ZFP28: variants seen among roughly 807,000 people sequenced by gnomAD.
The protein encoded by ZFP28 is ZFP28 zinc finger protein.
In ZFP28, 31 loss-of-function variants were observed where a neutral mutation model predicts 39.5. That is an observed-to-expected ratio of 0.79 (90% confidence interval 0.59 to 1.06). The LOEUF is 1.06. Ranked by LOEUF, ZFP28 falls within the 50% of genes least tolerant of loss-of-function variation. ZFP28 has a pLI of 0.00. For synonymous variants in ZFP28, 400 were observed against 378.6 expected (o/e 1.06, Z -0.66); for missense variants, 925 against 1,048.4 (o/e 0.88, Z 1.63).
chr19:56,555,449 C>T lies in ZFP28; in HGVS notation c.*57C>T, dbSNP rs2044343007. ...AGCAGTTTAAAACCCCATCTCCCTG[C>T]CCTTTTGTTTTCTTTTTGTCCCTTA... On this transcript the variant is annotated 3_prime_UTR_variant, in exon 8 of 8. Coordinates refer to ENST00000301318, the MANE Select transcript of ZFP28 (RefSeq NM_020828.2). The T allele has an allele frequency of 3.3e-6, 5 of 1,514,874 alleles. No individual in the cohort carries two copies. In the South Asian group the frequency reaches 6.6e-5, roughly 20 times the overall value. The allele number at this position is 1,514,874 out of a possible 1,614,324, so 93.8% of individuals were successfully genotyped here.
chr19:56,550,955 A>T, intron 7 of ZFP28: 1 of 1,386,514 alleles, frequency 7.2e-7, no homozygotes, highest in African/African-American at 1.4e-5. Context: ...TCATGCATCC[A>T]TTCCTGTGAG....
At chr19:56,538,909 C>T (rs2044163868), upstream of ZFP28, 8 of 1,000,394 alleles carry the variant, frequency 8.0e-6, no homozygotes, top group East Asian at 2.5e-4. Context: ...GGATGCCGGG[C>T]CATGGGGGAG....
upstream of ZFP28, among the ~76,000 whole-genome samples, chr19:56,536,977 C>A (rs572514415): frequency 2.0e-5 from 3 of 152,250 alleles, no homozygotes; most frequent in South Asian, 2.1e-4. Flanking sequence ...GAACACAGGC[C>A]CTGAGCCTTT....
Position 56,550,612 on chromosome 19 carries a change from G to T in ZFP28, c.898+7G>T. On this transcript the variant is annotated splice_region_variant and intron_variant, in intron 7 of 7. Transcript: ENST00000301318. The stretch of plus-strand genomic sequence containing the variant: ...ACAGGAAGCCTGTTCTCAGGTGAGT[G>T]CAGGAGAGCCTGGTGTGGAAAATCT... 6.2e-7 allele frequency: 1 copy of T among 1,613,822 alleles called. No homozygotes were observed. The highest frequency in any genetic ancestry group is 8.5e-7 in the Non-Finnish European group (1 of 1,179,770).
chr19:56,547,302 G>A lies in ZFP28; in HGVS notation c.301-206G>A, dbSNP rs535336993. ...TTAATAAGGACACCAGACAGATTGG[G>A]TTAGGGCCCCACCCATATGACCTCA... On this transcript the variant is annotated intron_variant, in intron 2 of 7. Transcript: ENST00000301318. The surrounding 1 kb of genome is among the most constrained non-coding windows in gnomAD (Gnocchi z 4.6). The A allele has an allele frequency of 4.6e-6, 3 of 654,680 alleles. No homozygotes were observed. Among genetic ancestry groups the A allele is most frequent in the Admixed American group, 6.0e-5 (2 of 33,574 alleles). 40.6% of individuals were successfully genotyped at this position (654,680 alleles called of 1,614,324 possible).
chr19:56,555,259 C>A lies in ZFP28; in HGVS notation c.2474C>A (p.Thr825Asn), dbSNP rs2044340634. The A allele has an allele frequency of 1.2e-6, 2 of 1,614,066 alleles. No homozygotes were observed. Among genetic ancestry groups the A allele is most frequent in the Non-Finnish European group, 1.7e-6 (2 of 1,180,044 alleles). Residue 825 changes from threonine to asparagine, a missense_variant, in exon 8 of 8, where the codon ACT (threonine) becomes AAT (asparagine). Thr to Asn is a moderately conservative substitution (Grantham distance 65, BLOSUM62 0). This residue lies in a region of ZFP28 where 369 missense variants were observed against 505.5 expected (regional missense o/e 0.73). Transcript: ENST00000301318. Reference protein sequence around the residue: ...YKKSRKVFRQTAHLAHHQRIH... With the variant: ...YKKSRKVFRQNAHLAHHQRIH... Reference sequence around the variant, plus strand: ...AAAAGCAGAAAAGTCTTCAGGCAAACTGCTCACTTAGCTCATCATCAGCGA... The same window carrying A: ...AAAAGCAGAAAAGTCTTCAGGCAAAATGCTCACTTAGCTCATCATCAGCGA...
chr19:56,538,699 G>T (rs1409430890), upstream of ZFP28: 1 of 150,660 alleles, frequency 6.6e-6, no homozygotes, highest in African/African-American at 2.4e-5. Flanking sequence ...ATTGCGCCGA[G>T]GCCACGCCCG....
rs959672474 is a variant in ZFP28 at position 56,551,737 on chromosome 19, T to C, written c.898+1132T>C. 1.3e-5 allele frequency: 13 copies of C among 984,142 alleles called. No individual in the cohort carries two copies. In the African/African-American group the frequency reaches 1.9e-4, roughly 15 times the overall value. 61.0% of individuals were successfully genotyped at this position (984,142 alleles called of 1,614,324 possible). On this transcript the variant is annotated intron_variant, in intron 7 of 7. Coordinates refer to ENST00000301318, the MANE Select transcript of ZFP28 (RefSeq NM_020828.2). ...AAGATTATACACTAAAATTATTCTT[T>C]TTTTATGAAAGAAGTTGAACATTTT...
Position 56,554,103 on chromosome 19 carries a change from A to T in ZFP28, c.1318A>T (p.Arg440Ter). The T allele has an allele frequency of 6.2e-7, 1 of 1,614,248 alleles. No individual in the cohort carries two copies. The highest frequency in any genetic ancestry group is 8.5e-7 in the Non-Finnish European group (1 of 1,180,036). ...GAGCTCATCTCTTACTGTTCATCAG[A>T]GAATTCACACTGGAGAGAAACCTTA... ...TQSSSLTVHQ[R>*]IHTGEKPYKC... Residue 440 changes from arginine to a stop codon, truncating the protein, a stop_gained, in exon 8 of 8, where the codon AGA becomes TGA. Coordinates refer to ENST00000301318, the MANE Select transcript of ZFP28 (RefSeq NM_020828.2). LOFTEE classifies it low-confidence loss of function (END_TRUNC). The surrounding 1 kb of genome is among the most constrained non-coding windows in gnomAD (Gnocchi z 6.7).
chr19:56,541,825 G>A (rs2044197582), intron 2 of ZFP28, among the ~76,000 whole-genome samples: 1 of 147,458 alleles, frequency 6.8e-6, no homozygotes. Flanking sequence ...CGCCTCCTGA[G>A]TTGAAATGAT....
chr19:56,549,893 A>C (rs779080990), intron 5 of ZFP28, among the ~76,000 whole-genome samples, 174 bp from the exon 6 acceptor site: 1 of 152,150 alleles, frequency 6.6e-6, no homozygotes, highest in Non-Finnish European at 1.5e-5. Flanking sequence ...GTTTTTCCCC[A>C]AACATGTATG....
At chr19:56,552,169 T>C (rs1210030863) in intron 7 of ZFP28, 1 of 248,640 alleles carries the variant, frequency 4.0e-6, no homozygotes, top group Admixed American at 6.5e-5. Flanking sequence ...AGTTTTCACC[T>C]ATAATCAACA....
chr19:56,547,394 T>G lies in ZFP28; in HGVS notation c.301-114T>G. On this transcript the variant is annotated intron_variant, in intron 2 of 7. Coordinates refer to ENST00000301318, the MANE Select transcript of ZFP28 (RefSeq NM_020828.2). This position sits in a 1 kb window ranked among gnomAD's most constrained non-coding sequence, Gnocchi z 4.6. ...CAGTCACATTCAAAAGTACTGGGGA[T>G]TAGGAGTTTAATGTAGGAGTTTTGT... 4 of 1,446,902 alleles carry G rather than the reference T, an allele frequency of 2.8e-6. No homozygotes were observed. Among genetic ancestry groups the G allele is most frequent in the African/African-American group, 1.4e-5 (1 of 71,682 alleles). The allele number at this position is 1,446,902 out of a possible 1,614,324, so 89.6% of individuals were successfully genotyped here.
At position 56,550,621 on chromosome 19, in the gene ZFP28, C is replaced by T; in HGVS notation, c.898+16C>T. The T allele has an allele frequency of 6.2e-7, 1 of 1,613,326 alleles. No individual in the cohort carries two copies. The highest frequency in any genetic ancestry group is 8.5e-7 in the Non-Finnish European group (1 of 1,179,374). ...CTGTTCTCAGGTGAGTGCAGGAGAG[C>T]CTGGTGTGGAAAATCTACTGCAAGA... is the stretch of plus-strand genomic sequence containing the variant. On this transcript the variant is annotated intron_variant, in intron 7 of 7. Coordinates refer to ENST00000301318, the MANE Select transcript of ZFP28 (RefSeq NM_020828.2).
intron 2 of ZFP28, among the ~76,000 whole-genome samples, chr19:56,544,124 T>G (rs1049530387): frequency 6.6e-6 from 1 of 152,256 alleles, no homozygotes; most frequent in Non-Finnish European, 1.5e-5. Flanking sequence ...AAGGACTTAC[T>G]AGTGTTAGCT....
In ZFP28 at chr19:56,547,314, C is replaced by A; in HGVS notation, c.301-194C>A. ...CCAGACAGATTGGGTTAGGGCCCCA[C>A]CCATATGACCTCATTTAACCCTAAT... is the stretch of plus-strand genomic sequence containing the variant. On this transcript the variant is annotated intron_variant, in intron 2 of 7. Transcript: ENST00000301318. This position sits in a 1 kb window ranked among gnomAD's most constrained non-coding sequence, Gnocchi z 4.6. The A allele has an allele frequency of 1.4e-6, 1 of 723,358 alleles. No homozygotes were observed. Among genetic ancestry groups the A allele is most frequent in the Non-Finnish European group, 2.2e-6 (1 of 449,962 alleles). 44.8% of individuals were successfully genotyped at this position (723,358 alleles called of 1,614,324 possible). A position where few individuals can be genotyped will look rare whatever the true frequency, so the allele number is the denominator to read the frequency against.
Position 56,550,052 on chromosome 19 carries a change from CT to C in ZFP28, c.688-11del. Reference sequence around the variant, plus strand: ...AACATGGTTTGATTTAAAAAACGTGCTTTTACCATTGCAGGGCTTGGTGACT... The same window carrying C: ...AACATGGTTTGATTTAAAAAACGTGCTTTACCATTGCAGGGCTTGGTGACT... On this transcript the variant is annotated splice_polypyrimidine_tract_variant and intron_variant, in intron 5 of 7. Transcript: ENST00000301318. The C allele has an allele frequency of 1.3e-6, 2 of 1,597,818 alleles. No individual in the cohort carries two copies. Among genetic ancestry groups the C allele is most frequent in the South Asian group, 2.3e-5 (2 of 88,098 alleles).
intron 2 of ZFP28, among the ~76,000 whole-genome samples, chr19:56,540,646 A>T (rs2044187825): frequency 6.6e-6 from 1 of 152,186 alleles, no homozygotes. Context: ...CTTGTGCTGG[A>T]TGAGGCCACA....
chr19:56,543,161 T>C (rs1842224873), intron 2 of ZFP28, among the ~76,000 whole-genome samples: 1 of 151,968 alleles, frequency 6.6e-6, no homozygotes, highest in South Asian at 2.1e-4. Flanking sequence ...CTGAATTGAA[T>C]TTAAACAAAT....
Sources: allele counts gnomAD v4.1 joint callset (sites outside exome capture counted in the v4.1 genomes callset), GRCh38; gene constraint gnomAD v4.1.1; regional missense constraint gnomAD v4.1.1; non-coding constraint Gnocchi (gnomAD v3.1); transcripts MANE v1.5; gene names NCBI Gene and HGNC (gene_info 2026-07-23, HGNC 2026-07-21).